Variants in RBFOX1 observed in about 807,000 individuals in gnomAD.
RBFOX1 encodes the protein RNA binding protein fox-1 homolog 1.
RBFOX1 carries 8 observed loss-of-function variants against 57.7 expected under a neutral mutation model. The ratio of observed to expected loss-of-function variants is 0.14; its 90% CI spans 0.08 to 0.25. The LOEUF (loss-of-function observed/expected upper bound fraction) is 0.25. RBFOX1 is among the 10% of genes least tolerant of loss of function. RBFOX1 has a pLI of 1.00. For missense variants in RBFOX1, 611 were observed against 548.5 expected (o/e 1.11, Z -1.14); for synonymous variants, 326 against 222.4 (o/e 1.47, Z -4.15).
chr16:6,652,853 G>T (rs1488643345), intron 2 of RBFOX1, among the ~76,000 whole-genome samples: 1 of 152,148 alleles, frequency 6.6e-6, no homozygotes, highest in African/African-American at 2.4e-5. Context: ...ACAACAGTTT[G>T]TATGGGTAAT....
chr16:5,785,976 A>C (rs985471396), intron 3 of RBFOX1, among the ~76,000 whole-genome samples: 2 of 150,286 alleles, frequency 1.3e-5, no homozygotes, highest in Non-Finnish European at 3.0e-5. Context: ...TCACCTCCTT[A>C]CCTCCTTCTC....
chr16:6,598,433 T>C (rs1157220365), intron 2 of RBFOX1, among the ~76,000 whole-genome samples: 3 of 152,206 alleles, frequency 2.0e-5, no homozygotes, highest in Non-Finnish European at 2.9e-5. Context: ...ACCAGTGTTA[T>C]AAAACTAATG....
At chr16:6,563,271 C>G (rs980419900) in intron 2 of RBFOX1, among the ~76,000 whole-genome samples, 13 of 152,126 alleles carry the variant, frequency 8.5e-5, no homozygotes, top group Admixed American at 2.6e-4. Flanking sequence ...GAAGCATTGT[C>G]TGTTGACATT....
chr16:5,642,338 A>T (rs2048907992), intron 3 of RBFOX1, among the ~76,000 whole-genome samples: 1 of 152,212 alleles, frequency 6.6e-6, no homozygotes, highest in South Asian at 2.1e-4. Context: ...ACATGAAAGC[A>T]ATCCATGCGA....
intron 3 of RBFOX1, among the ~76,000 whole-genome samples, chr16:6,774,696 C>T (rs769067824): frequency 6.6e-6 from 1 of 151,896 alleles, no homozygotes; most frequent in Non-Finnish European, 1.5e-5. Flanking sequence ...AGCATTAAAA[C>T]GATTAGTATT....
chr16:6,935,928 C>T (rs2077290287), intron 3 of RBFOX1, among the ~76,000 whole-genome samples: 1 of 152,106 alleles, frequency 6.6e-6, no homozygotes, highest in Non-Finnish European at 1.5e-5. Flanking sequence ...TGACTGGGGA[C>T]CAATCTGTGC....
intron 3 of RBFOX1, among the ~76,000 whole-genome samples, chr16:6,886,625 C>T (rs1317699461): frequency 6.6e-6 from 1 of 151,842 alleles, no homozygotes; most frequent in Non-Finnish European, 1.5e-5. Flanking sequence ...CGTGGTGGTG[C>T]TCACCTGTAA....
At chr16:7,325,035 C>T (rs1387205727) in intron 4 of RBFOX1, among the ~76,000 whole-genome samples, 3 of 152,170 alleles carry the variant, frequency 2.0e-5, no homozygotes, top group African/African-American at 7.2e-5. Flanking sequence ...CAAGAAGGCA[C>T]TTCACAAGTT....
chr16:6,627,180 G>C (rs1169858429), intron 2 of RBFOX1, among the ~76,000 whole-genome samples: 1 of 152,148 alleles, frequency 6.6e-6, no homozygotes, highest in Non-Finnish European at 1.5e-5. Context: ...ACCATATCTA[G>C]ATCTTGGGAT....
At position 6,432,393 on chromosome 16, in the gene RBFOX1, C is replaced by T. The variant is rs141763446; in HGVS notation, c.-64+115336C>T. Among the ~76,000 whole-genome samples, 133 of 151,954 alleles carry T rather than the reference C, an allele frequency of 8.8e-4. 1 individual carries two copies. The East Asian group carries it at 0.019, about 21-fold the overall frequency. The stretch of plus-strand genomic sequence containing the variant: ...CAATAAGAATAATATTTAATGAGGC[C>T]GGGCACAGTGGCTCATGCCTGTAAT... On this transcript the variant is annotated intron_variant, in intron 2 of 15. Coordinates refer to ENST00000550418, the MANE Select transcript of RBFOX1 (RefSeq NM_018723.4).
At chr16:6,090,350 A>G (rs944036807) in intron 1 of RBFOX1, among the ~76,000 whole-genome samples, 3 of 152,180 alleles carry the variant, frequency 2.0e-5, no homozygotes, top group African/African-American at 7.2e-5. Context: ...TCCAGGTATC[A>G]TGACATGCAC....
At chr16:6,424,620 C>CGTGAGTGTGTGTGTGT in intron 2 of RBFOX1, among the ~76,000 whole-genome samples, 1 of 150,706 alleles carries the variant, frequency 6.6e-6, no homozygotes, top group East Asian at 2.0e-4. Flanking sequence ...TGTGTGTGTG[C>CGTGAGTGTGTGTGTGT]GTGTGTGTGA....
Position 6,234,401 on chromosome 16 carries a change from T to C in RBFOX1, c.-126-82594T>C, listed in dbSNP as rs371810736. On this transcript the variant is annotated intron_variant, in intron 1 of 15. Coordinates refer to ENST00000550418, the MANE Select transcript of RBFOX1 (RefSeq NM_018723.4). ...CTTCCTTCCAAAACTGTAAGTCCCATGAGGATAGGGGCTATTTTTATTGGA... is the reference window on the plus strand; with the variant it reads ...CTTCCTTCCAAAACTGTAAGTCCCACGAGGATAGGGGCTATTTTTATTGGA... Among the ~76,000 whole-genome samples, 8 of 152,216 alleles carry C rather than the reference T, an allele frequency of 5.3e-5. No homozygotes were observed. In the East Asian group the frequency reaches 1.3e-3, roughly 26 times the overall value.
intron 3 of RBFOX1, among the ~76,000 whole-genome samples, chr16:6,949,875 A>C (rs1217057377): frequency 1.3e-5 from 2 of 151,800 alleles, no homozygotes; most frequent in Admixed American, 1.3e-4. Context: ...TCTGTTGCTG[A>C]ACTGTTCTCC....
At chr16:6,110,437 C>G (rs1468075936) in intron 1 of RBFOX1, among the ~76,000 whole-genome samples, 7 of 152,110 alleles carry the variant, frequency 4.6e-5, no homozygotes, top group African/African-American at 2.4e-5. Flanking sequence ...AAGCAGAATT[C>G]TGTATCCTGC....
intron 4 of RBFOX1, among the ~76,000 whole-genome samples, chr16:7,383,106 A>G (rs2097808380): frequency 6.6e-6 from 1 of 152,112 alleles, no homozygotes; most frequent in South Asian, 2.1e-4. Flanking sequence ...TTCTGATTCT[A>G]GCAGGTGTTC....
intron 3 of RBFOX1, among the ~76,000 whole-genome samples, chr16:5,857,081 C>T (rs763147203): frequency 1.3e-5 from 2 of 152,274 alleles, no homozygotes; most frequent in East Asian, 1.9e-4. Context: ...ACATGTGACT[C>T]TTTCTTTCAC....
intron 4 of RBFOX1, among the ~76,000 whole-genome samples, chr16:7,504,926 G>A (rs917636): frequency 2.7e-5 from 4 of 148,282 alleles, no homozygotes; most frequent in South Asian, 2.1e-4. Flanking sequence ...AAGCAATTTC[G>A]CAAACAGACA....
At chr16:6,353,873 C>A (rs1210950841) in intron 2 of RBFOX1, among the ~76,000 whole-genome samples, 1 of 152,150 alleles carries the variant, frequency 6.6e-6, no homozygotes, top group Admixed American at 6.6e-5. Flanking sequence ...GCTTTTCCTG[C>A]CTTCAGTGAA....
Sources: allele counts gnomAD v4.1 joint callset (sites outside exome capture counted in the v4.1 genomes callset), GRCh38; gene constraint gnomAD v4.1.1; transcripts MANE v1.5; gene names NCBI Gene and HGNC (gene_info 2026-07-23, HGNC 2026-07-21).